CNTLN: variants seen among roughly 807,000 people sequenced by gnomAD.
CNTLN encodes the protein centlein.
CNTLN carries 212 observed loss-of-function variants against 180.0 expected under a neutral mutation model. That is an observed-to-expected ratio of 1.18 (90% CI 1.05 to 1.32). The LOEUF (loss-of-function observed/expected upper bound fraction) is 1.32, where lower values mean the gene tolerates loss of function less well. Ranked by LOEUF, CNTLN falls within the 40% of genes most tolerant of loss-of-function variation. The pLI, the probability that CNTLN is intolerant of heterozygous loss-of-function variation, is 0.00. For missense variants in CNTLN, 2,095 were observed against 1,610.9 expected (o/e 1.30, Z -5.14); for synonymous variants, 722 against 563.1 (o/e 1.28, Z -3.99).
rs200383102 is a variant in CNTLN at position 17,284,593 on chromosome 9, G to A, written c.983+10727G>A. 2.6e-5 allele frequency among the ~76,000 whole-genome samples: 4 copies of A among 152,046 alleles called. No individual in the cohort carries two copies. In the East Asian group the frequency reaches 5.8e-4, roughly 22 times the overall value. On this transcript the variant is annotated intron_variant, in intron 6 of 25. Coordinates refer to ENST00000380647, the MANE Select transcript of CNTLN (RefSeq NM_017738.4). ...TGAAGGTTGTTTGTATTTCTGTGGGGTCAGTGGTGACATCCCCTTTATCTT... is the reference window on the plus strand; with the variant it reads ...TGAAGGTTGTTTGTATTTCTGTGGGATCAGTGGTGACATCCCCTTTATCTT...
chr9:17,487,182 T>C, intron 25 of CNTLN, 116 bp downstream of exon 25: 2 of 722,014 alleles, frequency 2.8e-6, no homozygotes, highest in African/African-American at 1.8e-5. Context: ...TTCTGTTAGG[T>C]AAAGAAGTAT....
intron 25 of CNTLN, among the ~76,000 whole-genome samples, chr9:17,496,354 T>C (rs758314137): frequency 3.3e-5 from 5 of 152,210 alleles, no homozygotes; most frequent in Admixed American, 6.5e-5. Context: ...GCATTAGCCA[T>C]AGGAGCCTTC....
At chr9:17,272,769 C>G (rs1587442774) in intron 5 of CNTLN, among the ~76,000 whole-genome samples, 1 of 152,122 alleles carries the variant, frequency 6.6e-6, no homozygotes, top group Non-Finnish European at 1.5e-5. Flanking sequence ...AGTTTGGATT[C>G]TTTCCCCTGC....
chr9:17,290,717 C>G (rs1255746760), intron 6 of CNTLN, among the ~76,000 whole-genome samples: 1 of 151,586 alleles, frequency 6.6e-6, no homozygotes. Flanking sequence ...CATGGTTCGC[C>G]GCTTTTTAAG....
At chr9:17,263,982 A>G (rs1258156500) in intron 5 of CNTLN, among the ~76,000 whole-genome samples, 1 of 144,540 alleles carries the variant, frequency 6.9e-6, no homozygotes, top group Non-Finnish European at 1.5e-5. Flanking sequence ...ATTTTCTCCC[A>G]TTTTGTAGGT....
intron 2 of CNTLN, among the ~76,000 whole-genome samples, chr9:17,192,955 G>A (rs934253436): frequency 6.7e-6 from 1 of 148,410 alleles, no homozygotes; most frequent in Non-Finnish European, 1.5e-5. Flanking sequence ...GAATCATGGT[G>A]GGAGGCAAAA....
chr9:17,409,202 A>G (rs1049623003), intron 15 of CNTLN, 91 bp from the exon 16 acceptor site: 21 of 1,193,004 alleles, frequency 1.8e-5, no homozygotes, highest in Non-Finnish European at 2.3e-5. Context: ...TATACAATCT[A>G]TGCTAAAATA....
chr9:17,453,101 C>T (rs1394603798), intron 18 of CNTLN, among the ~76,000 whole-genome samples: 3 of 152,130 alleles, frequency 2.0e-5, no homozygotes, highest in Non-Finnish European at 2.9e-5. Flanking sequence ...TGCTTGAGGC[C>T]AGGAGTTCGA....
intron 18 of CNTLN, among the ~76,000 whole-genome samples, chr9:17,432,937 C>A (rs1361358596): frequency 1.4e-5 from 2 of 145,640 alleles, no homozygotes; most frequent in African/African-American, 5.1e-5. Flanking sequence ...AGGAGAATAG[C>A]TTGAGCCCAG....
intron 2 of CNTLN, among the ~76,000 whole-genome samples, chr9:17,145,194 C>A (rs536568206): frequency 6.6e-6 from 1 of 152,280 alleles, no homozygotes; most frequent in East Asian, 1.9e-4. Context: ...TCTACTGAAT[C>A]TCTAGGGGGT....
chr9:17,201,453 C>T (rs945260499), intron 2 of CNTLN, among the ~76,000 whole-genome samples: 4 of 152,144 alleles, frequency 2.6e-5, no homozygotes, highest in Non-Finnish European at 5.9e-5. Context: ...AGCTGTGAAT[C>T]CGTCTGGACC....
intron 7 of CNTLN, among the ~76,000 whole-genome samples, chr9:17,307,830 G>A (rs1265401357): frequency 6.6e-6 from 1 of 152,010 alleles, no homozygotes; most frequent in Non-Finnish European, 1.5e-5. Flanking sequence ...CTTCCCATGA[G>A]GCAAGGCAAA....
intron 6 of CNTLN, among the ~76,000 whole-genome samples, chr9:17,275,070 G>A (rs909088659): frequency 4.6e-5 from 7 of 152,106 alleles, no homozygotes; most frequent in East Asian, 3.9e-4. Flanking sequence ...AAACAATAAC[G>A]AAGTCAGAAA....
chr9:17,173,471 A>T (rs910822284), intron 2 of CNTLN, among the ~76,000 whole-genome samples: 1 of 152,196 alleles, frequency 6.6e-6, no homozygotes, highest in African/African-American at 2.4e-5. Flanking sequence ...TTTCTGCCAT[A>T]GTCTTAAAAT....
At chr9:17,485,818 G>T (rs1051426574) in intron 24 of CNTLN, among the ~76,000 whole-genome samples, 6 of 152,126 alleles carry the variant, frequency 3.9e-5, no homozygotes, top group African/African-American at 1.4e-4. Context: ...TGCACTCTCT[G>T]GGCTAACAAA....
chr9:17,164,626 T>C (rs957044340), intron 2 of CNTLN, among the ~76,000 whole-genome samples: 1 of 151,148 alleles, frequency 6.6e-6, no homozygotes, highest in African/African-American at 2.4e-5. Context: ...TTTGTATTTT[T>C]TGTAGAGACA....
intron 2 of CNTLN, among the ~76,000 whole-genome samples, chr9:17,191,761 T>C (rs1821802151): frequency 6.6e-6 from 1 of 152,194 alleles, no homozygotes; most frequent in Non-Finnish European, 1.5e-5. Flanking sequence ...AGTGAATAAA[T>C]ATTGAAATAT....
In CNTLN at chr9:17,503,264, T is replaced by C. The variant is rs2134435604; in HGVS notation, c.*612T>C. 1 of 152,364 alleles carries C rather than the reference T, an allele frequency of 6.6e-6. No individual in the cohort carries two copies. Among genetic ancestry groups the C allele is most frequent in the Non-Finnish European group, 1.5e-5 (1 of 68,064 alleles). 9.4% of individuals were successfully genotyped at this position (152,364 alleles called of 1,614,324 possible). On this transcript the variant is annotated 3_prime_UTR_variant, in exon 26 of 26. Transcript: ENST00000380647. Reference sequence around the variant, plus strand: ...CTTCTTCTCTCTCTTAACTTCACAATACTATACGTTGTGTAGTCATATAAA... The same window carrying C: ...CTTCTTCTCTCTCTTAACTTCACAACACTATACGTTGTGTAGTCATATAAA...
At chr9:17,305,153 G>A (rs185616322) in intron 7 of CNTLN, among the ~76,000 whole-genome samples, 2 of 152,132 alleles carry the variant, frequency 1.3e-5, no homozygotes, top group Admixed American at 6.6e-5. Context: ...TGGAGGTTGA[G>A]GTCTTATTTC....
Sources: gnomAD v4.1 joint callset for allele counts (sites outside exome capture counted in the v4.1 genomes callset) on GRCh38, gnomAD v4.1.1 for gene constraint, MANE v1.5 for transcripts, NCBI Gene and HGNC (gene_info 2026-07-23, HGNC 2026-07-21) for gene names.